Variants in UGP2 observed in about 807,000 individuals in gnomAD.
The protein encoded by UGP2 is UTP--glucose-1-phosphate uridylyltransferase.
UGP2 carries 40 observed loss-of-function variants against 49.0 expected under a neutral mutation model. That is an observed-to-expected ratio of 0.82 (90% CI 0.63 to 1.06). UGP2 has a LOEUF of 1.06. Ranked by LOEUF, UGP2 falls within the 50% of genes least tolerant of loss-of-function variation. The pLI, the probability that UGP2 is intolerant of heterozygous loss-of-function variation, is 0.00. For synonymous variants in UGP2, 225 were observed against 213.0 expected (o/e 1.06, Z -0.49); for missense variants, 460 against 603.5 (o/e 0.76, Z 2.49).
At position 63,883,622 on chromosome 2, in the gene UGP2, A is replaced by G. The variant is rs1226467882; in HGVS notation, c.442-338A>G. ...TAAGGCCACAGAGCACTGTGGCTGT[A>G]CACAAGCTCCAGACTCAAACTGCCT... On this transcript the variant is annotated intron_variant, in intron 4 of 9. Coordinates refer to ENST00000337130, the MANE Select transcript of UGP2 (RefSeq NM_006759.4). Among the ~76,000 whole-genome samples, 3 of 152,174 alleles carry G rather than the reference A, an allele frequency of 2.0e-5. No individual in the cohort carries two copies. In the East Asian group the frequency reaches 5.8e-4, roughly 29 times the overall value.
At position 63,856,407 on chromosome 2, in the gene UGP2, A is replaced by G. The variant is rs1291253072; in HGVS notation, c.121A>G (p.Thr41Ala). The G allele has an allele frequency of 3.7e-6, 6 of 1,612,932 alleles. No homozygotes were observed. The South Asian group carries it at 6.6e-5, about 18-fold the overall frequency. Residue 41 changes from threonine (T) to alanine (A), a missense_variant, in exon 2 of 10, where the codon ACC (threonine) becomes GCC (alanine). Transcript: ENST00000337130. ...SVKKELEKILTTASSHEFEHT... is the reference protein window; with the variant it reads ...SVKKELEKILATASSHEFEHT... ...GAAGAAGGAACTAGAAAAAATACTC[A>G]CCACAGCATCATCACATGAATTTGA...
chr2:63,858,738 A>G (rs1669623553), intron 3 of UGP2, among the ~76,000 whole-genome samples: 1 of 152,032 alleles, frequency 6.6e-6, no homozygotes, highest in Non-Finnish European at 1.5e-5. Context: ...ATTTAATAGT[A>G]TTTTCTTCCA....
chr2:63,841,157 G>T (rs1476600585), upstream of UGP2: 1 of 152,122 alleles, frequency 6.6e-6, no homozygotes, highest in Non-Finnish European at 1.5e-5. Flanking sequence ...CCTCAGAGGT[G>T]ACTTTCAGCC....
chr2:63,848,089 A>G (rs1206121472), intron 1 of UGP2, among the ~76,000 whole-genome samples: 1 of 152,228 alleles, frequency 6.6e-6, no homozygotes, highest in Non-Finnish European at 1.5e-5. Context: ...TTCCAGCAAT[A>G]TGAATAAATT....
chr2:63,844,099 G>A (rs1420887897), intron 1 of UGP2, among the ~76,000 whole-genome samples: 1 of 152,150 alleles, frequency 6.6e-6, no homozygotes, highest in Non-Finnish European at 1.5e-5. Context: ...TTCCTTTTAA[G>A]ATGGGCAGTT....
chr2:63,870,863 TAGG>T, intron 3 of UGP2, among the ~76,000 whole-genome samples: 1 of 152,262 alleles, frequency 6.6e-6, no homozygotes, highest in Middle Eastern at 3.4e-3. Context: ...ATTGCTGTGA[TAGG>T]AGGCGGTAGC....
chr2:63,843,642 A>G (rs567272259), intron 1 of UGP2, among the ~76,000 whole-genome samples: 5 of 152,352 alleles, frequency 3.3e-5, no homozygotes, highest in African/African-American at 1.2e-4. Flanking sequence ...CAGAAGATTC[A>G]AAATCAAGTG....
chr2:63,856,019 G>A, intron 1 of UGP2: 1 of 262,720 alleles, frequency 3.8e-6, no homozygotes, highest in Non-Finnish European at 7.3e-6. Context: ...AAGATGGCAG[G>A]CAGCCCTATG....
At chr2:63,865,595 G>T (rs1670130799) in intron 3 of UGP2, among the ~76,000 whole-genome samples, 1 of 147,592 alleles carries the variant, frequency 6.8e-6, no homozygotes, top group African/African-American at 2.5e-5. Flanking sequence ...CTGAAGTGCA[G>T]TGGTGTGACC....
In UGP2 at chr2:63,884,108, A is replaced by G. The variant is rs1378193383; in HGVS notation, c.575+15A>G. On this transcript the variant is annotated intron_variant, in intron 5 of 9. Coordinates refer to ENST00000337130, the MANE Select transcript of UGP2 (RefSeq NM_006759.4). ...AATCAAAGCAGGTACAATGAGTAAAAAATTAACTCTGGGTATGTTACTCCT... is the reference window on the plus strand; with the variant it reads ...AATCAAAGCAGGTACAATGAGTAAAGAATTAACTCTGGGTATGTTACTCCT... 1 of 1,610,960 alleles carries G rather than the reference A, an allele frequency of 6.2e-7. No homozygotes were observed. The highest frequency in any genetic ancestry group is 8.5e-7 in the Non-Finnish European group (1 of 1,179,414).
At chr2:63,884,993 C>CT (rs528966512) in intron 5 of UGP2, among the ~76,000 whole-genome samples, 1,238 of 23,054 alleles carry the variant, frequency 0.054, 181 homozygotes, top group African/African-American at 0.088. Context: ...CCCATGGTTA[C>CT]TTTTTTTTTT....
At chr2:63,858,367 A>G (rs1669595767) in intron 3 of UGP2, among the ~76,000 whole-genome samples, 1 of 152,190 alleles carries the variant, frequency 6.6e-6, no homozygotes, top group Non-Finnish European at 1.5e-5. Context: ...ATTAATTTAT[A>G]TACTATTTAT....
chr2:63,849,741 A>G (rs982908858), intron 1 of UGP2, among the ~76,000 whole-genome samples: 4 of 152,224 alleles, frequency 2.6e-5, no homozygotes, highest in Admixed American at 2.6e-4. Flanking sequence ...CTCCAGAAGA[A>G]TGAGAAACAG....
chr2:63,882,491 C>G lies in UGP2; in HGVS notation c.281C>G (p.Ala94Gly). Residue 94 changes from alanine (A) to glycine (G), a missense_variant, in exon 4 of 10, where the codon GCC becomes GGC. Ala to Gly is a moderately conservative substitution (Grantham distance 60). Coordinates refer to ENST00000337130, the MANE Select transcript of UGP2 (RefSeq NM_006759.4). The part of the protein sequence containing the change: ...DSIQPYEKIK[A>G]RGLPDNISSV... ...ATTCAACCCTATGAAAAGATAAAGG[C>G]CAGGGGCTTGCCTGATAATATATCT... 1 of 1,600,894 alleles carries G rather than the reference C, an allele frequency of 6.2e-7. No homozygotes were observed. The highest frequency in any genetic ancestry group is 8.5e-7 in the Non-Finnish European group (1 of 1,170,786).
intron 1 of UGP2, among the ~76,000 whole-genome samples, chr2:63,847,461 A>C (rs958209585): frequency 6.6e-6 from 1 of 152,228 alleles, no homozygotes; most frequent in Non-Finnish European, 1.5e-5. Flanking sequence ...GCAGAAGTAT[A>C]GGCTTTCATG....
At chr2:63,854,752 G>C (rs777431384) in intron 1 of UGP2, 1 of 152,168 alleles carries the variant, frequency 6.6e-6, no homozygotes. Flanking sequence ...TGTTTAAGCC[G>C]ATTATATTTA....
Position 63,890,168 on chromosome 2 carries a change from A to G in UGP2, c.1402A>G (p.Lys468Glu), listed in dbSNP as rs1455002295. Reference protein sequence around the residue: ...LTVSGDVTFGKNVSLKGTVII... With the variant: ...LTVSGDVTFGENVSLKGTVII... ...AGTTTCAGGAGATGTGACATTTGGA[A>G]AAAATGTTTCATTAAAGGTATGTTG... is the stretch of plus-strand genomic sequence containing the variant. Residue 468 changes from lysine to glutamate, a missense_variant, in exon 9 of 10, where the codon AAA becomes GAA. Lys to Glu is a moderately conservative substitution (Grantham distance 56, BLOSUM62 1). Coordinates refer to ENST00000337130, the MANE Select transcript of UGP2 (RefSeq NM_006759.4). The G allele has an allele frequency of 6.2e-7, 1 of 1,610,142 alleles. No homozygotes were observed. Among genetic ancestry groups the G allele is most frequent in the African/African-American group, 1.3e-5 (1 of 74,826 alleles).
chr2:63,874,540 G>C (rs1030544101), intron 3 of UGP2, among the ~76,000 whole-genome samples: 2 of 152,158 alleles, frequency 1.3e-5, no homozygotes, highest in Non-Finnish European at 2.9e-5. Flanking sequence ...AACAGAGTAT[G>C]GTGTTTCATA....
chr2:63,841,680 C>G (rs1014877590), upstream of UGP2: 2 of 153,248 alleles, frequency 1.3e-5, no homozygotes, highest in African/African-American at 4.8e-5. Flanking sequence ...CTCCCCGACC[C>G]CTGCTTGGGC....
Sources: gnomAD v4.1 joint callset for allele counts (sites outside exome capture counted in the v4.1 genomes callset) on GRCh38, gnomAD v4.1.1 for gene constraint, MANE v1.5 for transcripts, NCBI Gene and HGNC (gene_info 2026-07-23, HGNC 2026-07-21) for gene names.